The following CACNG2 variants were observed in gnomAD, a reference collection of about 807,000 sequenced individuals.
CACNG2 encodes the protein calcium voltage-gated channel auxiliary subunit gamma 2.
A neutral mutation model predicts 25.9 loss-of-function variants in CACNG2; 3 were observed. That is an observed-to-expected ratio of 0.12 (90% CI 0.05 to 0.30). CACNG2 has a LOEUF of 0.30. Among genes scored for constraint, CACNG2 ranks in the 10% least tolerant of loss-of-function variants. The pLI, the probability that CACNG2 is intolerant of heterozygous loss-of-function variation, is 1.00. For synonymous variants in CACNG2, 167 were observed against 173.3 expected (o/e 0.96, Z 0.29); for missense variants, 341 against 432.5 (o/e 0.79, Z 1.88).
chr22:36,594,897 G>GGT (rs931575328), intron 1 of CACNG2, among the ~76,000 whole-genome samples: 12 of 142,908 alleles, frequency 8.4e-5, no homozygotes, highest in Non-Finnish European at 1.7e-4. Context: ...TGTGTACATG[G>GGT]GTGTGTGTGT....
intron 1 of CACNG2, among the ~76,000 whole-genome samples, chr22:36,650,861 G>A (rs1029283139): frequency 3.9e-5 from 6 of 152,092 alleles, no homozygotes; most frequent in African/African-American, 9.7e-5. Context: ...CTCCTGCCTC[G>A]GGGCCTTTGC....
chr22:36,582,780 T>C (rs1935441016), intron 2 of CACNG2, among the ~76,000 whole-genome samples: 1 of 151,422 alleles, frequency 6.6e-6, no homozygotes, highest in Non-Finnish European at 1.5e-5. Context: ...TTTTTCCCCA[T>C]AGGGCTTATC....
intron 1 of CACNG2, among the ~76,000 whole-genome samples, chr22:36,644,797 G>A (rs548757559): frequency 1.3e-5 from 2 of 151,556 alleles, no homozygotes; most frequent in African/African-American, 4.9e-5. Context: ...TATATAAGTG[G>A]TTTTTTTTGT....
intron 1 of CACNG2, among the ~76,000 whole-genome samples, chr22:36,659,594 C>T (rs562691626): frequency 5.6e-4 from 79 of 141,634 alleles, no homozygotes; most frequent in African/African-American, 2.0e-3. Context: ...TTACCTGGCC[C>T]CAGGAAGGAG....
At chr22:36,689,719 C>T (rs1018461997) in intron 1 of CACNG2, among the ~76,000 whole-genome samples, 1 of 152,258 alleles carries the variant, frequency 6.6e-6, no homozygotes, top group African/African-American at 2.4e-5. Flanking sequence ...CATCTCTCTG[C>T]AGCCAGCACC....
At chr22:36,588,676 G>C (rs1239193988) in intron 1 of CACNG2, among the ~76,000 whole-genome samples, 2 of 152,222 alleles carry the variant, frequency 1.3e-5, no homozygotes, top group Non-Finnish European at 2.9e-5. Flanking sequence ...TCACCTGAGA[G>C]TGGCGATAAC....
chr22:36,592,359 G>A (rs1935610122), intron 1 of CACNG2, among the ~76,000 whole-genome samples: 1 of 152,062 alleles, frequency 6.6e-6, no homozygotes, highest in South Asian at 2.1e-4. Context: ...GTGGTAGCCA[G>A]AGAGTGGGAT....
chr22:36,675,941 G>T (rs1937013614), intron 1 of CACNG2, among the ~76,000 whole-genome samples: 1 of 152,222 alleles, frequency 6.6e-6, no homozygotes. Flanking sequence ...AGGTATTGAA[G>T]CCTCATGATG....
intron 1 of CACNG2, among the ~76,000 whole-genome samples, chr22:36,635,616 C>A (rs1936345411): frequency 6.6e-6 from 1 of 152,144 alleles, no homozygotes. Flanking sequence ...ACCCTCATAT[C>A]AGTGACTCCC....
At chr22:36,584,536 C>T (rs1461587888) in intron 2 of CACNG2, 1 of 152,268 alleles carries the variant, frequency 6.6e-6, no homozygotes, top group Non-Finnish European at 1.5e-5. Flanking sequence ...ATGTAACCTT[C>T]ACGAAGGCAC....
intron 1 of CACNG2, among the ~76,000 whole-genome samples, chr22:36,667,993 C>T (rs761262024): frequency 5.3e-5 from 8 of 152,308 alleles, no homozygotes; most frequent in Non-Finnish European, 8.8e-5. Flanking sequence ...TCATGCTGGG[C>T]GCTGTTCTAA....
chr22:36,564,504 G>A lies in CACNG2; in HGVS notation c.819C>T (p.Leu273=). 1 of 1,614,178 alleles carries A rather than the reference G, an allele frequency of 6.2e-7. No individual in the cohort carries two copies. The highest frequency in any genetic ancestry group is 8.5e-7 in the Non-Finnish European group (1 of 1,180,012). Residue 273 remains leucine, a synonymous_variant, in exon 4 of 4, where the codon CTC becomes CTT. Coordinates refer to ENST00000300105, the MANE Select transcript of CACNG2 (RefSeq NM_006078.5). This position sits in a 1 kb window ranked among gnomAD's most constrained non-coding sequence, Gnocchi z 6.7. ...TGGCGGCCTTCAGGGGGTCCCTGCT[G>A]AGCGTGTACATGGAGATCTCCGTGG... ...LPSTEISMYT[L]SRDPLKAATT...
chr22:36,650,072 C>T (rs574663975), intron 1 of CACNG2, among the ~76,000 whole-genome samples: 145 of 152,302 alleles, frequency 9.5e-4, no homozygotes, highest in Admixed American at 9.3e-3. Flanking sequence ...TGGCCTCCTC[C>T]TTTGCCTTTC....
At chr22:36,623,095 A>C (rs1404780777) in intron 1 of CACNG2, among the ~76,000 whole-genome samples, 4 of 125,922 alleles carry the variant, frequency 3.2e-5, no homozygotes, top group Non-Finnish European at 4.7e-5. Flanking sequence ...ATCTTGGCTC[A>C]CTGCAACCTC....
At chr22:36,596,994 C>T (rs572877526) in intron 1 of CACNG2, among the ~76,000 whole-genome samples, 24 of 152,012 alleles carry the variant, frequency 1.6e-4, no homozygotes, top group East Asian at 9.7e-4. Context: ...TCAAGCGATC[C>T]GCCCTCCTCA....
chr22:36,607,345 C>A (rs1935855053), intron 1 of CACNG2, among the ~76,000 whole-genome samples: 1 of 152,172 alleles, frequency 6.6e-6, no homozygotes, highest in African/African-American at 2.4e-5. Flanking sequence ...ACTCCCCAGG[C>A]TCAGGTGACA....
intron 1 of CACNG2, among the ~76,000 whole-genome samples, chr22:36,695,134 C>A (rs983100030): frequency 1.3e-4 from 19 of 151,980 alleles, no homozygotes; most frequent in African/African-American, 3.6e-4. Flanking sequence ...GAGGATCACT[C>A]GAGCCCTCGA....
At chr22:36,676,932 T>TTGTGTGTGTTTGTGTG (rs1555901020) in intron 1 of CACNG2, among the ~76,000 whole-genome samples, 1 of 141,650 alleles carries the variant, frequency 7.1e-6, no homozygotes, top group Non-Finnish European at 1.5e-5. Context: ...TCTTCTAATA[T>TTGTGTGTGTTTGTGTG]TGTGTGTGTG....
chr22:36,625,226 G>T (rs987139999), intron 1 of CACNG2, among the ~76,000 whole-genome samples: 1 of 152,076 alleles, frequency 6.6e-6, no homozygotes, highest in African/African-American at 2.4e-5. Flanking sequence ...GAGAACGCTG[G>T]ATAGAGAGTC....
Sources: allele counts gnomAD v4.1 joint callset (sites outside exome capture counted in the v4.1 genomes callset), GRCh38; gene constraint gnomAD v4.1.1; non-coding constraint Gnocchi (gnomAD v3.1); transcripts MANE v1.5; gene names NCBI Gene and HGNC (gene_info 2026-07-23, HGNC 2026-07-21).